GALNTL6: variants seen among roughly 807,000 people sequenced by gnomAD.
GALNTL6 encodes polypeptide N-acetylgalactosaminyltransferase-like 6.
In GALNTL6, 46 loss-of-function variants were observed where a neutral mutation model predicts 73.7. The ratio of observed to expected loss-of-function variants is 0.62; its 90% CI spans 0.49 to 0.80. The LOEUF is 0.80. Ranked by LOEUF, GALNTL6 falls within the 30% of genes least tolerant of loss-of-function variation. The pLI, the probability that GALNTL6 is intolerant of heterozygous loss-of-function variation, is 0.00. For synonymous variants in GALNTL6, 259 were observed against 263.7 expected (o/e 0.98, Z 0.17); for missense variants, 604 against 755.0 (o/e 0.80, Z 2.34).
chr4:173,038,476 T>C (rs1281319914), intron 12 of GALNTL6, among the ~76,000 whole-genome samples: 1 of 152,116 alleles, frequency 6.6e-6, no homozygotes, highest in African/African-American at 2.4e-5. Flanking sequence ...AGTCTTTCCC[T>C]GGGGTCAGAC....
At chr4:171,849,924 G>C (rs1422456580) in intron 2 of GALNTL6, among the ~76,000 whole-genome samples, 6 of 152,182 alleles carry the variant, frequency 3.9e-5, no homozygotes, top group Non-Finnish European at 8.8e-5. Context: ...CATGCTCATT[G>C]AATAAATGTG....
intron 2 of GALNTL6, among the ~76,000 whole-genome samples, chr4:172,000,574 C>G (rs979853813): frequency 6.6e-6 from 1 of 152,148 alleles, no homozygotes; most frequent in Non-Finnish European, 1.5e-5. Flanking sequence ...TGTCTGTGCT[C>G]TGTGCATAAG....
At chr4:171,846,203 A>T (rs1735364187) in intron 2 of GALNTL6, among the ~76,000 whole-genome samples, 2 of 152,196 alleles carry the variant, frequency 1.3e-5, no homozygotes, top group African/African-American at 4.8e-5. Context: ...TGCAAATTCC[A>T]AATTAGCAAA....
intron 7 of GALNTL6, among the ~76,000 whole-genome samples, chr4:172,855,450 A>G (rs942861338): frequency 2.0e-5 from 3 of 152,190 alleles, no homozygotes; most frequent in Non-Finnish European, 2.9e-5. Flanking sequence ...AATAGTTCAA[A>G]TCCTACGGGA....
chr4:172,436,195 A>G (rs188774139), intron 5 of GALNTL6, among the ~76,000 whole-genome samples: 1 of 152,292 alleles, frequency 6.6e-6, no homozygotes, highest in East Asian at 1.9e-4. Context: ...GGCAAGCATT[A>G]TGAATTAGAA....
At position 171,922,640 on chromosome 4, in the gene GALNTL6, G is replaced by A. The variant is rs181671367; in HGVS notation, c.138+107922G>A. 6.3e-4 allele frequency among the ~76,000 whole-genome samples: 96 copies of A among 151,710 alleles called. 2 individuals are homozygous for A. The South Asian group carries it at 0.017, about 26-fold the overall frequency. On this transcript the variant is annotated intron_variant, in intron 2 of 12. Transcript: ENST00000506823. ...TGAATTCTCTTTTTTGGAATATTGC[G>A]GAATAATTTGAGGTAGTTTAAGGGA...
chr4:172,705,616 A>G (rs1579367292), intron 5 of GALNTL6, among the ~76,000 whole-genome samples: 1 of 151,356 alleles, frequency 6.6e-6, no homozygotes, highest in Non-Finnish European at 1.5e-5. Flanking sequence ...TTTTGGTTGT[A>G]TGTTGGTATC....
chr4:171,959,486 G>A (rs1221953224), intron 2 of GALNTL6, among the ~76,000 whole-genome samples: 2 of 152,148 alleles, frequency 1.3e-5, no homozygotes, highest in Admixed American at 6.5e-5. Context: ...CAATTTTAGT[G>A]AATATAACTT....
chr4:172,722,636 T>C (rs945342660), intron 5 of GALNTL6, among the ~76,000 whole-genome samples: 12 of 151,910 alleles, frequency 7.9e-5, no homozygotes, highest in African/African-American at 2.9e-4. Flanking sequence ...TATTGAAAAA[T>C]GAAAAAAATA....
intron 12 of GALNTL6, among the ~76,000 whole-genome samples, chr4:173,037,190 A>G (rs1031519208): frequency 6.6e-6 from 1 of 152,198 alleles, no homozygotes; most frequent in African/African-American, 2.4e-5. Flanking sequence ...CCAGGGAACA[A>G]TTAGTCTGTG....
chr4:172,961,999 G>C (rs1429528721), intron 10 of GALNTL6, among the ~76,000 whole-genome samples: 2 of 152,208 alleles, frequency 1.3e-5, no homozygotes, highest in Non-Finnish European at 2.9e-5. Flanking sequence ...CGAAAAGAGA[G>C]TCAGCAAAGG....
chr4:172,809,585 A>C lies in GALNTL6; in HGVS notation c.739+39A>C. ...GCTAAGCACCATCCTGGGATGCCTC[A>C]GGGGAACTGAGCGGTTTGCTTCTAT... is the stretch of plus-strand genomic sequence containing the variant. On this transcript the variant is annotated intron_variant, in intron 6 of 12. Transcript: ENST00000506823. This position sits in a 1 kb window ranked among gnomAD's most constrained non-coding sequence, Gnocchi z 4.4. 6.6e-7 allele frequency: 1 copy of C among 1,521,104 alleles called. No individual in the cohort carries two copies. The highest frequency in any genetic ancestry group is 1.4e-5 in the African/African-American group (1 of 72,334). 94.2% of individuals were successfully genotyped at this position (1,521,104 alleles called of 1,614,324 possible). A position where few individuals can be genotyped will look rare whatever the true frequency, so the allele number is the denominator to read the frequency against.
intron 2 of GALNTL6, among the ~76,000 whole-genome samples, chr4:171,883,653 C>CTTT (rs796547805): frequency 1.7e-3 from 248 of 144,020 alleles, no homozygotes; most frequent in African/African-American, 6.0e-3. Flanking sequence ...CTTTTCTTTT[C>CTTT]TTTTTTTTTT....
At chr4:172,018,286 G>A (rs1015688644) in intron 2 of GALNTL6, among the ~76,000 whole-genome samples, 1 of 152,078 alleles carries the variant, frequency 6.6e-6, no homozygotes, top group African/African-American at 2.4e-5. Flanking sequence ...AAGAGTTTAA[G>A]TCTTTTGTGT....
Position 172,068,177 on chromosome 4 carries a change from C to T in GALNTL6, c.139-161479C>T, listed in dbSNP as rs774923434. On this transcript the variant is annotated intron_variant, in intron 2 of 12. Coordinates refer to ENST00000506823, the MANE Select transcript of GALNTL6 (RefSeq NM_001034845.3). ...AAAACCCAGGGACCCTGGGTTACCTCGCCAACACCACCTCTGAAACATGTT... is the reference window on the plus strand; with the variant it reads ...AAAACCCAGGGACCCTGGGTTACCTTGCCAACACCACCTCTGAAACATGTT... Among the ~76,000 whole-genome samples, 7 of 108,466 alleles carry T rather than the reference C, an allele frequency of 6.5e-5. 3 individuals are homozygous for T. The highest frequency in any genetic ancestry group is 2.1e-4 in the East Asian group (1 of 4,686). 71.2% of individuals were successfully genotyped at this position (108,466 alleles called of 152,430 possible).
At chr4:171,971,893 G>A (rs1309045506) in intron 2 of GALNTL6, among the ~76,000 whole-genome samples, 2 of 151,562 alleles carry the variant, frequency 1.3e-5, no homozygotes, top group African/African-American at 2.4e-5. Flanking sequence ...GTGTGTGTAT[G>A]TGTGTGTGTG....
intron 5 of GALNTL6, among the ~76,000 whole-genome samples, chr4:172,696,215 A>C (rs550122825): frequency 8.6e-4 from 131 of 152,232 alleles, no homozygotes; most frequent in Non-Finnish European, 1.6e-3. Flanking sequence ...TGATCCAAAA[A>C]TTTTGGGTAT....
At chr4:172,850,512 G>T (rs890176531) in intron 7 of GALNTL6, among the ~76,000 whole-genome samples, 1 of 152,056 alleles carries the variant, frequency 6.6e-6, no homozygotes, top group South Asian at 2.1e-4. Context: ...ATACTTCACC[G>T]CTTGGTCACT....
chr4:172,851,012 A>G (rs972215529), intron 7 of GALNTL6, among the ~76,000 whole-genome samples: 3 of 152,230 alleles, frequency 2.0e-5, no homozygotes, highest in African/African-American at 7.2e-5. Context: ...TGGCAGTTTC[A>G]TCACATAGGC....
Sources: gnomAD v4.1 joint callset for allele counts (sites outside exome capture counted in the v4.1 genomes callset) on GRCh38, gnomAD v4.1.1 for gene constraint, Gnocchi (gnomAD v3.1) non-coding constraint, MANE v1.5 for transcripts, NCBI Gene and HGNC (gene_info 2026-07-23, HGNC 2026-07-21) for gene names.